Variants in MARCO observed in about 807,000 individuals in gnomAD.
MARCO encodes macrophage receptor with collagenous structure, also known as macrophage receptor MARCO.
Under a neutral mutation model 70.0 loss-of-function variants are expected in MARCO, and 72 were observed. That is an observed-to-expected ratio of 1.03 (90% CI 0.85 to 1.25). The LOEUF (loss-of-function observed/expected upper bound fraction) is 1.25. MARCO is among the 50% of genes most tolerant of loss of function. The probability of loss-of-function intolerance (pLI) is 0.00; values close to 1 mark genes in which losing one functional copy is unlikely to be tolerated. For synonymous variants in MARCO, 273 were observed against 243.1 expected, an observed-to-expected ratio of 1.12 and a Z score of -1.14; for missense variants, 696 against 659.3, an observed-to-expected ratio of 1.06 and a Z score of -0.61.
At chr2:118,964,210 A>C (rs1680001173) in intron 1 of MARCO, among the ~76,000 whole-genome samples, 1 of 152,246 alleles carries the variant, frequency 6.6e-6, no homozygotes, top group Admixed American at 6.5e-5. Flanking sequence ...CATTCACTGA[A>C]CACCACATCA....
rs545288214 is a variant in MARCO at position 118,942,505 on chromosome 2, G to T, written c.97+108G>T. On this transcript the variant is annotated intron_variant, in intron 1 of 16. Transcript: ENST00000327097. ...GAAAGTCTAGGTTTGGCTTATTGCTGCATTTTGCACGTAATCATCACTAAT... is the reference window on the plus strand; with the variant it reads ...GAAAGTCTAGGTTTGGCTTATTGCTTCATTTTGCACGTAATCATCACTAAT... 65 of 865,172 alleles carry T rather than the reference G, an allele frequency of 7.5e-5. No homozygotes were observed. The South Asian group carries it at 8.8e-4, about 12-fold the overall frequency. 53.6% of individuals were successfully genotyped at this position (865,172 alleles called of 1,614,324 possible). A position where few individuals can be genotyped will look rare whatever the true frequency, so the allele number is the denominator to read the frequency against.
chr2:118,988,292 C>A (rs1680554023), intron 12 of MARCO, among the ~76,000 whole-genome samples: 1 of 151,958 alleles, frequency 6.6e-6, no homozygotes, highest in African/African-American at 2.4e-5. Flanking sequence ...TGATTCCTGT[C>A]TTTAGAGGGT....
At chr2:118,968,401 T>C (rs1016052718) in intron 1 of MARCO, among the ~76,000 whole-genome samples, 1 of 152,208 alleles carries the variant, frequency 6.6e-6, no homozygotes, top group Non-Finnish European at 1.5e-5. Context: ...ACGAAAATCT[T>C]TCACTGTGAA....
At chr2:118,975,859 A>T (rs1183480097) in intron 6 of MARCO, among the ~76,000 whole-genome samples, 1 of 152,150 alleles carries the variant, frequency 6.6e-6, no homozygotes, top group Non-Finnish European at 1.5e-5. Flanking sequence ...CACAAGTACA[A>T]TCACACTTGT....
At chr2:118,974,645 C>T in intron 6 of MARCO, 80 bp downstream of exon 6, 2 of 1,367,006 alleles carry the variant, frequency 1.5e-6, no homozygotes, top group South Asian at 1.3e-5. Context: ...GACGCAGCCT[C>T]CCTCCAGAGT....
intron 1 of MARCO, 95 bp from the exon 2 acceptor site, chr2:118,969,065 G>A: frequency 1.2e-6 from 1 of 822,098 alleles, no homozygotes. Flanking sequence ...CTCACAGGGT[G>A]CCCCCTGCTC....
chr2:118,957,331 A>C (rs1339297096), intron 1 of MARCO, among the ~76,000 whole-genome samples: 1 of 152,148 alleles, frequency 6.6e-6, no homozygotes, highest in Non-Finnish European at 1.5e-5. Flanking sequence ...TGAAATACAA[A>C]AGATCATTCA....
chr2:118,970,447 A>C lies in MARCO; in HGVS notation c.424+109A>C, dbSNP rs1462248188. The C allele has an allele frequency of 1.1e-5, 9 of 816,260 alleles. No homozygotes were observed. The East Asian group carries it at 2.1e-4, about 19-fold the overall frequency. 50.6% of individuals were successfully genotyped at this position (816,260 alleles called of 1,614,324 possible). A position where few individuals can be genotyped will look rare whatever the true frequency, so the allele number is the denominator to read the frequency against. On this transcript the variant is annotated intron_variant, in intron 3 of 16. Transcript: ENST00000327097. ...CTGTCCAAGCAAAGTGTGACCTCCA[A>C]GAGCCAGGGACTTAGAGCAACCAGC...
chr2:118,984,761 G>A (rs1237845471), intron 12 of MARCO, among the ~76,000 whole-genome samples: 2 of 152,196 alleles, frequency 1.3e-5, no homozygotes, highest in African/African-American at 4.8e-5. Flanking sequence ...GAGGGTGGGA[G>A]CCCAATCTCC....
At chr2:118,958,957 C>T (rs1679888533) in intron 1 of MARCO, among the ~76,000 whole-genome samples, 1 of 152,124 alleles carries the variant, frequency 6.6e-6, no homozygotes, top group South Asian at 2.1e-4. Flanking sequence ...AAACTTGATC[C>T]TCCTCTCTCA....
In MARCO at chr2:118,974,577, C is replaced by G; in HGVS notation, c.613+12C>G. The stretch of plus-strand genomic sequence containing the variant: ...CAAGGGAGAGGCGGGTGAGTAGGTG[C>G]TGGGTATGTACCCAGAAATACACAG... On this transcript the variant is annotated intron_variant, in intron 6 of 16. Transcript: ENST00000327097. 1 of 1,611,132 alleles carries G rather than the reference C, an allele frequency of 6.2e-7. No individual in the cohort carries two copies. Among genetic ancestry groups the G allele is most frequent in the Non-Finnish European group, 8.5e-7 (1 of 1,179,026 alleles).
intron 12 of MARCO, among the ~76,000 whole-genome samples, chr2:118,986,779 A>AAC (rs1680526499): frequency 5.9e-5 from 9 of 152,080 alleles, no homozygotes; most frequent in African/African-American, 1.9e-4. Context: ...GAAAAGAAAG[A>AAC]GTGTGAGAGA....
chr2:118,963,286 G>A (rs929203333), intron 1 of MARCO, among the ~76,000 whole-genome samples: 1 of 150,400 alleles, frequency 6.6e-6, no homozygotes, highest in Non-Finnish European at 1.5e-5. Flanking sequence ...TTAATATATT[G>A]TATTTTCATT....
At chr2:118,965,870 C>T (rs1406084707) in intron 1 of MARCO, among the ~76,000 whole-genome samples, 1 of 152,198 alleles carries the variant, frequency 6.6e-6, no homozygotes, top group Admixed American at 6.5e-5. Flanking sequence ...GCAGAAGGCA[C>T]GTTCCAGTAC....
At chr2:118,958,489 T>C (rs1341331902) in intron 1 of MARCO, among the ~76,000 whole-genome samples, 3 of 150,630 alleles carry the variant, frequency 2.0e-5, no homozygotes, top group Non-Finnish European at 4.4e-5. Context: ...TACAAAACAC[T>C]GCTGAAAGAA....
At chr2:118,977,437 C>A in intron 6 of MARCO, 34 bp from the exon 7 acceptor site, 1 of 1,589,904 alleles carries the variant, frequency 6.3e-7, no homozygotes, top group South Asian at 1.1e-5. Context: ...ATTCTCAGGC[C>A]ACAGCAACTG....
intron 12 of MARCO, among the ~76,000 whole-genome samples, chr2:118,988,729 G>T (rs1350690028): frequency 2.6e-5 from 4 of 152,078 alleles, no homozygotes; most frequent in Non-Finnish European, 5.9e-5. Flanking sequence ...AACATCTGTC[G>T]CTTCTCCTGG....
intron 1 of MARCO, among the ~76,000 whole-genome samples, chr2:118,961,487 T>C (rs995510295): frequency 1.6e-4 from 25 of 152,324 alleles, no homozygotes; most frequent in African/African-American, 5.0e-4. Flanking sequence ...AACTTTCTTT[T>C]CTTGCGTATG....
chr2:118,991,943 A>G, intron 14 of MARCO, 68 bp downstream of exon 14: 1 of 1,100,290 alleles, frequency 9.1e-7, no homozygotes. Flanking sequence ...GTACCTTAAA[A>G]TAGGAAAGGC....
Sources: gnomAD v4.1 joint callset for allele counts (sites outside exome capture counted in the v4.1 genomes callset) on GRCh38, gnomAD v4.1.1 for gene constraint, MANE v1.5 for transcripts, NCBI Gene and HGNC (gene_info 2026-07-23, HGNC 2026-07-21) for gene names.